The following ADAMTS6 variants were observed in gnomAD, a reference collection of about 807,000 sequenced individuals.
ADAMTS6 encodes the protein A disintegrin and metalloproteinase with thrombospondin motifs 6.
A neutral mutation model predicts 144.3 loss-of-function variants in ADAMTS6; 23 were observed. That is an observed-to-expected ratio of 0.16 (90% CI 0.11 to 0.23). ADAMTS6 has a LOEUF of 0.23. Among genes scored for constraint, ADAMTS6 ranks in the 10% least tolerant of loss-of-function variants. The pLI is 1.00. For synonymous variants in ADAMTS6, 444 were observed against 457.5 expected (o/e 0.97, Z 0.38); for missense variants, 999 against 1,379.6 (o/e 0.72, Z 4.37).
chr5:65,175,130 T>C (rs774361395), intron 22 of ADAMTS6, among the ~76,000 whole-genome samples: 5 of 151,492 alleles, frequency 3.3e-5, no homozygotes, highest in Non-Finnish European at 5.9e-5. Flanking sequence ...TCACCAGTGG[T>C]TGAGAGAACA....
intron 7 of ADAMTS6, among the ~76,000 whole-genome samples, chr5:65,359,275 G>A (rs553520311): frequency 1.1e-4 from 17 of 152,118 alleles, no homozygotes; most frequent in Middle Eastern, 3.4e-3. Flanking sequence ...CTCAAAACAA[G>A]GTACACAAAT....
chr5:65,451,382 C>A (rs143287916), intron 7 of ADAMTS6, 93 bp downstream of exon 7: 1 of 1,425,602 alleles, frequency 7.0e-7, no homozygotes, highest in African/African-American at 1.4e-5. Flanking sequence ...TCTCTATACT[C>A]ATTATCTGAA....
intron 7 of ADAMTS6, among the ~76,000 whole-genome samples, chr5:65,420,845 G>C (rs946613724): frequency 6.6e-6 from 1 of 151,938 alleles, no homozygotes; most frequent in Non-Finnish European, 1.5e-5. Flanking sequence ...AAGGACAAAA[G>C]AGCATACTGA....
intron 13 of ADAMTS6, among the ~76,000 whole-genome samples, chr5:65,262,302 G>C (rs1198719068): frequency 3.3e-5 from 5 of 152,204 alleles, no homozygotes; most frequent in Non-Finnish European, 7.3e-5. Flanking sequence ...ATGATTAATG[G>C]GGGCATATGA....
rs746386144 is a variant in ADAMTS6 at position 65,170,632 on chromosome 5, T to C, written c.3229A>G (p.Ile1077Val). ...GAAAACTCACCTTCAGTATTAGAAA[T>C]GGGGGTACTGTCACATTTGCTTTCA... ...QCESKCDSTP[I>V]SNTEECKDVN... The change falls in exon 24 of 25, where the codon ATT becomes GTT. Residue 1077 changes from isoleucine (I) to valine (V), a missense_variant. This residue lies in a region of ADAMTS6 where 619 missense variants were observed against 837.0 expected (regional missense o/e 0.74). Coordinates refer to ENST00000381055, the MANE Select transcript of ADAMTS6 (RefSeq NM_197941.4). The C allele has an allele frequency of 6.2e-7, 1 of 1,613,844 alleles. No homozygotes were observed. The highest frequency in any genetic ancestry group is 2.2e-5 in the East Asian group (1 of 44,860).
At chr5:65,316,951 G>T (rs977238016) in intron 9 of ADAMTS6, among the ~76,000 whole-genome samples, 1 of 151,834 alleles carries the variant, frequency 6.6e-6, no homozygotes, top group Non-Finnish European at 1.5e-5. Flanking sequence ...ACAAGCGTGC[G>T]CCATCAAGCC....
At position 65,358,129 on chromosome 5, in the gene ADAMTS6, C is replaced by A. The variant is rs561507384; in HGVS notation, c.1074-24044G>T. The stretch of plus-strand genomic sequence containing the variant: ...AACAGCACATTAAAAGGATCATTCA[C>A]CATGAGTAAATGGGATTCATCCTGG... On this transcript the variant is annotated intron_variant, in intron 7 of 24. Coordinates refer to ENST00000381055, the MANE Select transcript of ADAMTS6 (RefSeq NM_197941.4). Among the ~76,000 whole-genome samples, 4 of 151,954 alleles carry A rather than the reference C, an allele frequency of 2.6e-5. No homozygotes were observed. The South Asian group carries it at 8.3e-4, about 32-fold the overall frequency.
chr5:65,194,166 C>A (rs1755186794), intron 21 of ADAMTS6, among the ~76,000 whole-genome samples: 1 of 152,166 alleles, frequency 6.6e-6, no homozygotes, highest in African/African-American at 2.4e-5. Flanking sequence ...ATACCAATGT[C>A]AACTGGGAAT....
intron 7 of ADAMTS6, among the ~76,000 whole-genome samples, chr5:65,396,172 C>T (rs1054711268): frequency 6.6e-6 from 1 of 151,950 alleles, no homozygotes; most frequent in African/African-American, 2.4e-5. Context: ...TCAAAAAAAG[C>T]AAACTAGAAC....
Position 65,224,988 on chromosome 5 carries a change from A to G in ADAMTS6, c.2127T>C (p.Cys709=). The change falls in exon 17 of 25, where the codon TGT becomes TGC. Residue 709 remains cysteine, a synonymous_variant. Coordinates refer to ENST00000381055, the MANE Select transcript of ADAMTS6 (RefSeq NM_197941.4). ...CATCACATGTGCTTCCGTCCCCTCC[A>G]CAGACTCGACATCTATCTTCCCTAG... The part of the protein sequence containing the change: ...SDAREDRCRV[C]GGDGSTCDAI... The G allele has an allele frequency of 6.2e-7, 1 of 1,614,096 alleles. No homozygotes were observed. Among genetic ancestry groups the G allele is most frequent in the Admixed American group, 1.7e-5 (1 of 59,988 alleles).
intron 9 of ADAMTS6, among the ~76,000 whole-genome samples, chr5:65,311,924 T>C (rs1233287866): frequency 6.6e-6 from 1 of 152,116 alleles, no homozygotes; most frequent in Non-Finnish European, 1.5e-5. Context: ...GCAATCTTAA[T>C]TTTTAAACTG....
intron 15 of ADAMTS6, among the ~76,000 whole-genome samples, chr5:65,240,573 C>T (rs1046920954): frequency 2.0e-5 from 3 of 152,034 alleles, no homozygotes; most frequent in Non-Finnish European, 2.9e-5. Context: ...TGGAGCCCTC[C>T]GAATGGGAAT....
chr5:65,469,573 T>C (rs1350332526), intron 3 of ADAMTS6, among the ~76,000 whole-genome samples: 1 of 152,202 alleles, frequency 6.6e-6, no homozygotes, highest in African/African-American at 2.4e-5. Context: ...ATAGAGAAAC[T>C]AGTAATGAGT....
At chr5:65,389,030 ACT>A (rs1378947342) in intron 7 of ADAMTS6, among the ~76,000 whole-genome samples, 2 of 151,946 alleles carry the variant, frequency 1.3e-5, no homozygotes, top group South Asian at 2.1e-4. Flanking sequence ...ACACGGTGAA[ACT>A]CTCTACTGAA....
chr5:65,463,240 G>A (rs1257780374), intron 3 of ADAMTS6, among the ~76,000 whole-genome samples: 1 of 152,050 alleles, frequency 6.6e-6, no homozygotes, highest in African/African-American at 2.4e-5. Context: ...CTCTAATAAG[G>A]TGGTATTTGA....
At chr5:65,249,972 G>A (rs774472559) in intron 14 of ADAMTS6, among the ~76,000 whole-genome samples, 8 of 151,912 alleles carry the variant, frequency 5.3e-5, no homozygotes, top group Non-Finnish European at 1.0e-4. Flanking sequence ...TTTCAGAAAA[G>A]CTTACCTTGC....
intron 1 of ADAMTS6, among the ~76,000 whole-genome samples, chr5:65,479,544 G>A (rs754396349): frequency 2.6e-5 from 4 of 152,150 alleles, no homozygotes; most frequent in Non-Finnish European, 4.4e-5. Flanking sequence ...GCAGAAGCAA[G>A]AGAGCTATCC....
chr5:65,401,312 G>T (rs949422163), intron 7 of ADAMTS6, among the ~76,000 whole-genome samples: 3 of 151,846 alleles, frequency 2.0e-5, no homozygotes, highest in Admixed American at 2.0e-4. Flanking sequence ...GATGACTAGA[G>T]TTGAGTATTT....
chr5:65,473,504 C>T, intron 2 of ADAMTS6, 73 bp downstream of exon 2: 1 of 1,355,228 alleles, frequency 7.4e-7, no homozygotes, highest in Non-Finnish European at 1.0e-6. Flanking sequence ...TCCACCCAAA[C>T]TAAATATGCA....
Sources: allele counts gnomAD v4.1 joint callset (sites outside exome capture counted in the v4.1 genomes callset), GRCh38; gene constraint gnomAD v4.1.1; regional missense constraint gnomAD v4.1.1; transcripts MANE v1.5; gene names NCBI Gene and HGNC (gene_info 2026-07-23, HGNC 2026-07-21).